The following KCNH1 variants were observed in gnomAD, a reference collection of about 807,000 sequenced individuals.
The protein encoded by KCNH1 is voltage-gated delayed rectifier potassium channel KCNH1.
In KCNH1, 27 loss-of-function variants were observed where a neutral mutation model predicts 69.2. The ratio of observed to expected loss-of-function variants is 0.39; its 90% CI spans 0.29 to 0.54. The LOEUF (loss-of-function observed/expected upper bound fraction) is 0.54, where lower values mean the gene tolerates loss of function less well. Among genes scored for constraint, KCNH1 ranks in the 20% least tolerant of loss-of-function variants. The pLI, the probability that KCNH1 is intolerant of heterozygous loss-of-function variation, is 0.68. For missense variants in KCNH1, 798 were observed against 1,261.6 expected (o/e 0.63, Z 5.57); for synonymous variants, 456 against 487.7 (o/e 0.93, Z 0.86).
intron 6 of KCNH1, among the ~76,000 whole-genome samples, chr1:210,980,352 G>A (rs1433480931): frequency 6.6e-6 from 1 of 152,154 alleles, no homozygotes; most frequent in Non-Finnish European, 1.5e-5. Context: ...TCTACATGCT[G>A]ATAACAGGAT....
At chr1:211,008,777 T>C (rs547571501) in intron 6 of KCNH1, among the ~76,000 whole-genome samples, 2 of 152,378 alleles carry the variant, frequency 1.3e-5, no homozygotes, top group African/African-American at 4.8e-5. Flanking sequence ...CTAAGCTGTA[T>C]ACTTTAATGT....
chr1:210,968,630 A>AT (rs1688454505), intron 6 of KCNH1, among the ~76,000 whole-genome samples: 1 of 151,478 alleles, frequency 6.6e-6, no homozygotes, highest in South Asian at 2.1e-4. Flanking sequence ...GATGATGAGC[A>AT]TTTTTTCATG....
chr1:210,859,896 A>C, intron 7 of KCNH1: 1 of 1,273,652 alleles, frequency 7.9e-7, no homozygotes, highest in East Asian at 2.3e-5. Context: ...ATTTAGTAAT[A>C]GGTATGCATT....
At position 210,911,003 on chromosome 1, in the gene KCNH1, C is replaced by T. The variant is rs183319815; in HGVS notation, c.1462+8637G>A. 5.0e-4 allele frequency among the ~76,000 whole-genome samples: 76 copies of T among 152,256 alleles called. 1 individual carries two copies. The highest frequency in any genetic ancestry group is 4.6e-3 in the Admixed American group (70 of 15,300). ...TTTCCAGCTGCACGTGGTTTTCCTACTTGCATTTGTGTAGATTGTAAGTTA... is the reference window on the plus strand; with the variant it reads ...TTTCCAGCTGCACGTGGTTTTCCTATTTGCATTTGTGTAGATTGTAAGTTA... On this transcript the variant is annotated intron_variant, in intron 7 of 10. Transcript: ENST00000271751.
At chr1:210,685,049 G>A (rs565869740) in intron 10 of KCNH1, among the ~76,000 whole-genome samples, 1 of 152,270 alleles carries the variant, frequency 6.6e-6, no homozygotes, top group African/African-American at 2.4e-5. Flanking sequence ...GACTAATGGT[G>A]ACAATACTTC....
intron 5 of KCNH1, among the ~76,000 whole-genome samples, chr1:211,041,055 A>C (rs1689986273): frequency 6.6e-6 from 1 of 152,160 alleles, no homozygotes; most frequent in Non-Finnish European, 1.5e-5. Flanking sequence ...GACATAAATC[A>C]ACTCAACTTT....
Position 210,683,744 on chromosome 1 carries a change from C to A in KCNH1, c.2507G>T (p.Ser836Ile). 1.2e-6 allele frequency: 2 copies of A among 1,614,170 alleles called. No individual in the cohort carries two copies. Among genetic ancestry groups the A allele is most frequent in the East Asian group, 2.2e-5 (1 of 44,872 alleles). Reference sequence around the variant, plus strand: ...GCAAGCATCTTTGAAGCGGGCCCAGCTTTTGCGCTTGGCACAATCGCCCCC... The same window carrying A: ...GCAAGCATCTTTGAAGCGGGCCCAGATTTTGCGCTTGGCACAATCGCCCCC... ...GGGGDCAKRK[S>I]WARFKDACGK... The change falls in exon 11 of 11, where the codon AGC (serine) becomes ATC (isoleucine). Residue 836 changes from serine (S) to isoleucine (I), a missense_variant. Around this residue, in one of 4 missense-constraint regions of KCNH1, gnomAD observed 331 missense variants for 363.2 expected, o/e 0.91. Transcript: ENST00000271751. This position sits in a 1 kb window ranked among gnomAD's most constrained non-coding sequence, Gnocchi z 5.7.
chr1:210,879,468 A>G (rs997216268), intron 7 of KCNH1, among the ~76,000 whole-genome samples: 8 of 152,098 alleles, frequency 5.3e-5, no homozygotes, highest in African/African-American at 1.9e-4. Flanking sequence ...TAATTAATTA[A>G]TGCAATCTGT....
chr1:211,086,555 A>G (rs1690955767), intron 4 of KCNH1, among the ~76,000 whole-genome samples: 1 of 152,188 alleles, frequency 6.6e-6, no homozygotes. Flanking sequence ...GAGAAAAAAG[A>G]TAAAGGAGGG....
At chr1:210,938,915 C>T (rs12036999) in intron 6 of KCNH1, among the ~76,000 whole-genome samples, 11,348 of 152,124 alleles carry the variant, frequency 0.075, 804 homozygotes, top group East Asian at 0.39. Context: ...TGTAGAGAAA[C>T]GAGTACGAAT....
At chr1:210,928,773 A>G (rs921619616) in intron 6 of KCNH1, among the ~76,000 whole-genome samples, 2 of 152,244 alleles carry the variant, frequency 1.3e-5, no homozygotes, top group Non-Finnish European at 1.5e-5. Flanking sequence ...AGATAGATAA[A>G]ATTGATAGAC....
rs548939772 is a variant in KCNH1 at position 210,728,030 on chromosome 1, A to G, written c.2113-43892T>C. Reference sequence around the variant, plus strand: ...CAGCAGACAACCTGCACCAGAATCAATTGATACTTGTTAAAATGCAGACTC... The same window carrying G: ...CAGCAGACAACCTGCACCAGAATCAGTTGATACTTGTTAAAATGCAGACTC... On this transcript the variant is annotated intron_variant, in intron 10 of 10. Coordinates refer to ENST00000271751, the MANE Select transcript of KCNH1 (RefSeq NM_172362.3). 4.2e-4 allele frequency among the ~76,000 whole-genome samples: 64 copies of G among 152,352 alleles called. 1 individual carries two copies. In the South Asian group the frequency reaches 8.5e-3, roughly 20 times the overall value.
At chr1:211,079,806 T>A (rs866779596) in intron 5 of KCNH1, among the ~76,000 whole-genome samples, 1 of 152,160 alleles carries the variant, frequency 6.6e-6, no homozygotes, top group South Asian at 2.1e-4. Flanking sequence ...TAGGTACTGA[T>A]GGAATGTATC....
intron 6 of KCNH1, among the ~76,000 whole-genome samples, chr1:210,958,186 G>A (rs914867675): frequency 6.6e-6 from 1 of 152,130 alleles, no homozygotes; most frequent in African/African-American, 2.4e-5. Context: ...TAGTTTGGCT[G>A]GATATGAAAT....
intron 10 of KCNH1, among the ~76,000 whole-genome samples, chr1:210,753,226 G>T (rs189810636): frequency 1.7e-3 from 260 of 152,284 alleles, no homozygotes; most frequent in African/African-American, 5.9e-3. Flanking sequence ...GTGTGTGGGG[G>T]ACATGGGAGG....
At chr1:210,856,930 G>T (rs933108302) in intron 7 of KCNH1, among the ~76,000 whole-genome samples, 2 of 121,664 alleles carry the variant, frequency 1.6e-5, no homozygotes, top group East Asian at 5.6e-4. Context: ...TACTCTGGAG[G>T]TGCTCATTTA....
At chr1:210,827,346 A>G (rs1035070117) in intron 7 of KCNH1, among the ~76,000 whole-genome samples, 1 of 115,754 alleles carries the variant, frequency 8.6e-6, no homozygotes, top group Non-Finnish European at 1.9e-5. Flanking sequence ...ACAGAAAAAG[A>G]AAAAGAAAAA....
intron 9 of KCNH1, among the ~76,000 whole-genome samples, chr1:210,790,623 A>G (rs1168388932): frequency 6.6e-6 from 1 of 152,202 alleles, no homozygotes; most frequent in Non-Finnish European, 1.5e-5. Context: ...TTTATACTAG[A>G]AACTATGTAT....
At chr1:210,741,183 C>T (rs964038230) in intron 10 of KCNH1, among the ~76,000 whole-genome samples, 4 of 152,104 alleles carry the variant, frequency 2.6e-5, no homozygotes, top group Non-Finnish European at 4.4e-5. Flanking sequence ...CTGAATGATG[C>T]CGTCACATGA....
Sources: gnomAD v4.1 joint callset for allele counts (sites outside exome capture counted in the v4.1 genomes callset) on GRCh38, gnomAD v4.1.1 for gene constraint, gnomAD v4.1.1 regional missense constraint, Gnocchi (gnomAD v3.1) non-coding constraint, MANE v1.5 for transcripts, NCBI Gene and HGNC (gene_info 2026-07-23, HGNC 2026-07-21) for gene names.